Variants in CHN1 observed in about 807,000 individuals in gnomAD.
The protein encoded by CHN1 is N-chimaerin.
In CHN1, 37 loss-of-function variants were observed where a neutral mutation model predicts 59.5. That is an observed-to-expected ratio of 0.62 (90% CI 0.48 to 0.82). CHN1 has a LOEUF of 0.82. Ranked by LOEUF, CHN1 falls within the 40% of genes least tolerant of loss-of-function variation. CHN1 has a pLI of 0.00. For missense variants in CHN1, 469 were observed against 571.0 expected (o/e 0.82, Z 1.82); for synonymous variants, 206 against 200.4 (o/e 1.03, Z -0.24).
chr2:174,996,907 T>G (rs968193317), intron 1 of CHN1, among the ~76,000 whole-genome samples: 1 of 152,142 alleles, frequency 6.6e-6, no homozygotes, highest in Non-Finnish European at 1.5e-5. Flanking sequence ...TCTCACTTCC[T>G]TCAAGTCTGC....
At chr2:174,947,403 G>A (rs547788977) in intron 2 of CHN1, among the ~76,000 whole-genome samples, 13 of 151,848 alleles carry the variant, frequency 8.6e-5, no homozygotes, top group Admixed American at 2.6e-4. Flanking sequence ...GTTTCATAAC[G>A]AGGAACTTTT....
At chr2:174,850,688 G>A (rs768178597) in intron 6 of CHN1, among the ~76,000 whole-genome samples, 1 of 152,086 alleles carries the variant, frequency 6.6e-6, no homozygotes, top group Non-Finnish European at 1.5e-5. Flanking sequence ...AAGCATGCCT[G>A]GAAACACTGC....
intron 1 of CHN1, among the ~76,000 whole-genome samples, chr2:174,967,014 G>A (rs1574223303): frequency 6.6e-6 from 1 of 152,024 alleles, no homozygotes; most frequent in East Asian, 1.9e-4. Flanking sequence ...ACTCGATAAC[G>A]ACAATAAAGT....
chr2:174,853,419 T>G (rs1686801283), intron 6 of CHN1, among the ~76,000 whole-genome samples: 1 of 151,812 alleles, frequency 6.6e-6, no homozygotes, highest in South Asian at 2.1e-4. Context: ...CAGTCAGAAA[T>G]GCTATTATTT....
At chr2:174,940,484 G>A (rs983043117) in intron 3 of CHN1, among the ~76,000 whole-genome samples, 1 of 151,670 alleles carries the variant, frequency 6.6e-6, no homozygotes, top group Non-Finnish European at 1.5e-5. Flanking sequence ...CCTTGAATCT[G>A]ATGGCCATGT....
At chr2:174,999,764 T>C (rs935657081) in intron 1 of CHN1, among the ~76,000 whole-genome samples, 3 of 152,162 alleles carry the variant, frequency 2.0e-5, no homozygotes, top group African/African-American at 4.8e-5. Flanking sequence ...TAAATTTTCA[T>C]GGGGAGAACA....
rs908548303 is a variant in CHN1, at chr2:174,967,357, A to AAAATT, written c.20-15160_20-15156dup. ...GGCAACAGAGTGAGATCCTGTCTCAAAAATTAAATTAAATTAAATTAAAAT... is the reference window on the plus strand; with the variant it reads ...GGCAACAGAGTGAGATCCTGTCTCAAAAATTAAATTAAATTAAATTAAATTAAAAT... On this transcript the variant is annotated intron_variant, in intron 1 of 12. Coordinates refer to ENST00000409900, the MANE Select transcript of CHN1 (RefSeq NM_001822.7). Among the ~76,000 whole-genome samples the AAAATT allele has an allele frequency of 1.6e-4, 25 of 152,288 alleles. No homozygotes were observed. The East Asian group carries it at 4.0e-3, about 25-fold the overall frequency.
At chr2:174,818,983 G>C (rs1309356983) in intron 8 of CHN1, among the ~76,000 whole-genome samples, 2 of 151,982 alleles carry the variant, frequency 1.3e-5, no homozygotes, top group Non-Finnish European at 2.9e-5. Context: ...TTTAAATAAT[G>C]GCAAATAAAA....
At chr2:174,856,034 C>T (rs991130517) in intron 6 of CHN1, among the ~76,000 whole-genome samples, 5 of 151,804 alleles carry the variant, frequency 3.3e-5, no homozygotes, top group South Asian at 2.1e-4. Flanking sequence ...ATTCCAGTGC[C>T]GCTCAGATCA....
intron 7 of CHN1, among the ~76,000 whole-genome samples, chr2:174,832,280 A>G (rs1685905164): frequency 6.6e-6 from 1 of 152,038 alleles, no homozygotes; most frequent in African/African-American, 2.4e-5. Context: ...GGGATTTAAA[A>G]AATTCTGTTT....
intron 10 of CHN1, among the ~76,000 whole-genome samples, chr2:174,810,569 GCTT>G (rs993003432): frequency 6.6e-6 from 1 of 152,184 alleles, no homozygotes; most frequent in Non-Finnish European, 1.5e-5. Context: ...GTAAAGAGAT[GCTT>G]CTTCCCATTC....
At chr2:174,908,831 A>T (rs1688612689) in intron 5 of CHN1, among the ~76,000 whole-genome samples, 1 of 152,192 alleles carries the variant, frequency 6.6e-6, no homozygotes, top group Non-Finnish European at 1.5e-5. Context: ...GCCTTGACAC[A>T]TATTAGTGAC....
rs199956440 is a variant in CHN1 at position 174,878,186 on chromosome 2, T to TAA, written c.261-59_261-58insTT. On this transcript the variant is annotated intron_variant, in intron 5 of 12. Transcript: ENST00000409900. ...GAAAAGTAAGCAACTGAATTCTTTC[T>TAA]GAAAAAAAAACAAAAACAAAAAAAA... The TAA allele has an allele frequency of 1.5e-5, 21 of 1,437,082 alleles. No homozygotes were observed. In the African/African-American group the frequency reaches 2.7e-4, roughly 19 times the overall value. The allele number at this position is 1,437,082 out of a possible 1,614,324, so 89.0% of individuals were successfully genotyped here.
At chr2:174,957,672 T>C (rs1278490396) in intron 1 of CHN1, among the ~76,000 whole-genome samples, 1 of 152,118 alleles carries the variant, frequency 6.6e-6, no homozygotes, top group Non-Finnish European at 1.5e-5. Context: ...CTCCACTTCC[T>C]TGTGGGGCTC....
At chr2:174,995,771 C>T (rs1691687666) in intron 1 of CHN1, among the ~76,000 whole-genome samples, 1 of 152,150 alleles carries the variant, frequency 6.6e-6, no homozygotes, top group Non-Finnish European at 1.5e-5. Context: ...ATTCCTTTGT[C>T]CAGCATATCC....
chr2:174,945,953 G>GTA (rs988303678), intron 2 of CHN1, among the ~76,000 whole-genome samples: 2 of 151,548 alleles, frequency 1.3e-5, no homozygotes, highest in African/African-American at 2.4e-5. Context: ...AAATGTGTGT[G>GTA]TATATATATA....
chr2:174,862,258 T>C (rs991647973), intron 6 of CHN1, among the ~76,000 whole-genome samples: 3 of 152,144 alleles, frequency 2.0e-5, no homozygotes, highest in African/African-American at 7.2e-5. Context: ...TTGAATAATG[T>C]TTCTTTGTTG....
chr2:174,982,670 T>C (rs2105451494), intron 1 of CHN1, among the ~76,000 whole-genome samples: 1 of 152,152 alleles, frequency 6.6e-6, no homozygotes, highest in East Asian at 1.9e-4. Context: ...ATTCACTCTC[T>C]TCCTCCTTTG....
At chr2:174,871,821 C>T (rs866284129) in intron 6 of CHN1, among the ~76,000 whole-genome samples, 1 of 152,136 alleles carries the variant, frequency 6.6e-6, no homozygotes, top group African/African-American at 2.4e-5. Flanking sequence ...GGGCTTAAAT[C>T]TTCAACATCT....
Sources: allele counts gnomAD v4.1 joint callset (sites outside exome capture counted in the v4.1 genomes callset), GRCh38; gene constraint gnomAD v4.1.1; transcripts MANE v1.5; gene names NCBI Gene and HGNC (gene_info 2026-07-23, HGNC 2026-07-21).